The following BPTF variants were observed in gnomAD, a reference collection of about 807,000 sequenced individuals.
BPTF encodes nucleosome-remodeling factor subunit BPTF.
Under a neutral mutation model 292.5 loss-of-function variants are expected in BPTF, and 18 were observed. The observed-to-expected ratio is 0.06, with a 90% CI of 0.04 to 0.09. The LOEUF is 0.09. Among genes scored for constraint, BPTF ranks in the 10% least tolerant of loss-of-function variants. The pLI, the probability that BPTF is intolerant of heterozygous loss-of-function variation, is 1.00. For synonymous variants in BPTF, 1,225 were observed against 1,251.9 expected, an observed-to-expected ratio of 0.98 and a Z score of 0.45; for missense variants, 2,726 against 3,498.7, an observed-to-expected ratio of 0.78 and a Z score of 5.57.
rs747166503 is a variant in BPTF at position 67,932,007 on chromosome 17, A to T, written c.6247A>T (p.Met2083Leu). 1.2e-6 allele frequency: 2 copies of T among 1,612,690 alleles called. No homozygotes were observed. Among genetic ancestry groups the T allele is most frequent in the Admixed American group, 3.3e-5 (2 of 59,966 alleles). The stretch of plus-strand genomic sequence containing the variant: ...AAAGGCAATTATTCGAACACCTGTG[A>T]TGGTACAGCCAGGTATTTATCCATC... ...LGKAIIRTPV[M>L]VQPGAPQQVM... The change falls in exon 18 of 28, where the codon ATG (methionine) becomes TTG (leucine). Residue 2083 changes from methionine (M) to leucine (L), a missense_variant. By Grantham distance (15) the Met-to-Leu change is conservative. Coordinates refer to ENST00000306378, the MANE Select transcript of BPTF (RefSeq NM_182641.4).
At position 67,912,165 on chromosome 17, in the gene BPTF, T is replaced by G; in HGVS notation, c.4281T>G (p.Ser1427=). 1 of 1,611,808 alleles carries G rather than the reference T, an allele frequency of 6.2e-7. No homozygotes were observed. The highest frequency in any genetic ancestry group is 2.2e-5 in the East Asian group (1 of 44,858). Residue 1427 remains serine, a synonymous_variant, in exon 11 of 28, where the codon TCT becomes TCG. Coordinates refer to ENST00000306378, the MANE Select transcript of BPTF (RefSeq NM_182641.4). ...YLKGECLKEI[S]ESRVVSGNVE... ...AAGGTGAATGCTTGAAAGAAATTTC[T>G]GAGAGTAGAGTAGTAAGTGGTAATG...
At chr17:67,913,604 A>G (rs2062795769) in intron 11 of BPTF, among the ~76,000 whole-genome samples, 3 of 152,202 alleles carry the variant, frequency 2.0e-5, no homozygotes, top group Admixed American at 2.0e-4. Flanking sequence ...TGTAAATTTC[A>G]TAAAGCTTAT....
chr17:67,909,498 CTTGT>C (rs2062502468), intron 9 of BPTF, 80 bp from the exon 10 acceptor site: 1 of 794,454 alleles, frequency 1.3e-6, no homozygotes, highest in South Asian at 3.7e-5. Context: ...CTGGAAATTA[CTTGT>C]TTATTTTCAC....
chr17:67,898,921 CAAAA>C (rs58991615), intron 7 of BPTF, among the ~76,000 whole-genome samples: 3 of 79,990 alleles, frequency 3.8e-5, no homozygotes, highest in Non-Finnish European at 2.6e-5. Context: ...TACCCTGTCT[CAAAA>C]AAAAAAAAAA....
At chr17:67,908,846 T>G (rs1268646301) in intron 9 of BPTF, among the ~76,000 whole-genome samples, 1 of 147,094 alleles carries the variant, frequency 6.8e-6, no homozygotes, top group Non-Finnish European at 1.5e-5. Context: ...TTTTTTTTTT[T>G]TTTGTTGACA....
intron 1 of BPTF, among the ~76,000 whole-genome samples, chr17:67,850,630 G>A (rs1191303664): frequency 6.6e-6 from 1 of 152,184 alleles, no homozygotes; most frequent in African/African-American, 2.4e-5. Context: ...GACTCCCAAA[G>A]TGCTAGGATT....
chr17:67,954,603 C>G (rs1174496613), intron 23 of BPTF, among the ~76,000 whole-genome samples: 1 of 152,162 alleles, frequency 6.6e-6, no homozygotes, highest in Non-Finnish European at 1.5e-5. Context: ...CAGTTTTAGT[C>G]CTGCTCACAG....
At chr17:67,964,972 C>T (rs1227917890) in intron 25 of BPTF, 1 of 112,302 alleles carries the variant, frequency 8.9e-6, no homozygotes, top group Non-Finnish European at 1.6e-5. Flanking sequence ...GCACTCCAAC[C>T]TGGGCGAGAG....
At chr17:67,909,886 A>G (rs963338849) in intron 10 of BPTF, 125 bp downstream of exon 10, 3 of 733,328 alleles carry the variant, frequency 4.1e-6, no homozygotes, top group East Asian at 3.2e-5. Flanking sequence ...CATAATTGAT[A>G]TCCCATACAA....
intron 11 of BPTF, among the ~76,000 whole-genome samples, chr17:67,918,124 T>G (rs1294200778): frequency 6.6e-6 from 1 of 150,920 alleles, no homozygotes; most frequent in Admixed American, 6.6e-5. Flanking sequence ...TTAATAGAGA[T>G]GGGGTTTTGC....
intron 1 of BPTF, among the ~76,000 whole-genome samples, chr17:67,828,973 T>C (rs902019112): frequency 3.3e-5 from 5 of 152,332 alleles, no homozygotes; most frequent in African/African-American, 9.6e-5. Context: ...TCATCAAAGA[T>C]TGGTTGGATA....
chr17:67,918,426 C>T (rs2147125980), intron 11 of BPTF, among the ~76,000 whole-genome samples: 1 of 152,034 alleles, frequency 6.6e-6, no homozygotes, highest in African/African-American at 2.4e-5. Flanking sequence ...GAATTTTTGC[C>T]TTATCAACCT....
chr17:67,926,890 C>T (rs1382515382), intron 15 of BPTF, among the ~76,000 whole-genome samples: 1 of 150,664 alleles, frequency 6.6e-6, no homozygotes, highest in Admixed American at 6.6e-5. Flanking sequence ...GAAACACTAC[C>T]ACACCCACCT....
At chr17:67,896,179 G>C (rs895586900) in intron 7 of BPTF, among the ~76,000 whole-genome samples, 1 of 152,112 alleles carries the variant, frequency 6.6e-6, no homozygotes, top group Non-Finnish European at 1.5e-5. Context: ...AGCCAGGATG[G>C]TCTCCATCTC....
At chr17:67,868,873 T>G (rs762960144) in intron 3 of BPTF, among the ~76,000 whole-genome samples, 2 of 152,242 alleles carry the variant, frequency 1.3e-5, no homozygotes, top group African/African-American at 2.4e-5. Flanking sequence ...GGCACAAATA[T>G]ACTTTGTCTT....
intron 1 of BPTF, among the ~76,000 whole-genome samples, chr17:67,830,542 A>T (rs982327302): frequency 6.6e-6 from 1 of 151,898 alleles, no homozygotes; most frequent in African/African-American, 2.4e-5. Flanking sequence ...GGAGGGCGAG[A>T]TAATATACCC....
At chr17:67,848,624 A>T (rs1368731420) in intron 1 of BPTF, among the ~76,000 whole-genome samples, 3 of 152,232 alleles carry the variant, frequency 2.0e-5, no homozygotes, top group Non-Finnish European at 2.9e-5. Context: ...TAATTAACAG[A>T]TTATGACTAC....
In BPTF at chr17:67,945,731, T is replaced by A; in HGVS notation, c.7023T>A (p.Val2341=). ...GTAATGTCCAAGGACAGTCTCCTGTTCGTGTCCAAAGTCCATCACAGACTC... is the reference window on the plus strand; with the variant it reads ...GTAATGTCCAAGGACAGTCTCCTGTACGTGTCCAAAGTCCATCACAGACTC... ...PQSNVQGQSP[V]RVQSPSQTRI... is the part of the protein sequence containing the mutation. The change falls in exon 21 of 28, where the codon GTT becomes GTA. Residue 2341 remains valine, a synonymous_variant. Transcript: ENST00000306378. The A allele has an allele frequency of 6.2e-7, 1 of 1,614,176 alleles. No homozygotes were observed. Among genetic ancestry groups the A allele is most frequent in the Non-Finnish European group, 8.5e-7 (1 of 1,180,044 alleles).
At chr17:67,961,985 AAAAG>A (rs2067550020) in intron 24 of BPTF, among the ~76,000 whole-genome samples, 1 of 151,164 alleles carries the variant, frequency 6.6e-6, no homozygotes, top group African/African-American at 2.4e-5. Context: ...AAAAAAAAAG[AAAAG>A]AAAAAAAGCC....
Sources: gnomAD v4.1 joint callset for allele counts (sites outside exome capture counted in the v4.1 genomes callset) on GRCh38, gnomAD v4.1.1 for gene constraint, MANE v1.5 for transcripts, NCBI Gene and HGNC (gene_info 2026-07-23, HGNC 2026-07-21) for gene names.